SNX24: variants seen among roughly 807,000 people sequenced by gnomAD.
SNX24 encodes the protein sorting nexin 24.
Under a neutral mutation model 28.7 loss-of-function variants are expected in SNX24, and 22 were observed. That is an observed-to-expected ratio of 0.77 (90% CI 0.55 to 1.10). The LOEUF (loss-of-function observed/expected upper bound fraction) is 1.10, where lower values mean the gene tolerates loss of function less well. Ranked by LOEUF, SNX24 falls within the 50% of genes least tolerant of loss-of-function variation. The pLI is 0.00. For synonymous variants in SNX24, 69 were observed against 71.5 expected (o/e 0.96, Z 0.18); for missense variants, 221 against 201.1 (o/e 1.10, Z -0.60).
intron 1 of SNX24, among the ~76,000 whole-genome samples, chr5:122,873,916 C>A (rs1369572570): frequency 2.0e-5 from 3 of 152,052 alleles, no homozygotes; most frequent in Non-Finnish European, 4.4e-5. Context: ...CAGGCACCGG[C>A]CACCACGTCT....
chr5:122,977,520 T>C (rs1324230256), intron 3 of SNX24, among the ~76,000 whole-genome samples: 1 of 152,202 alleles, frequency 6.6e-6, no homozygotes, highest in Non-Finnish European at 1.5e-5. Context: ...TTATCACTTA[T>C]GGCTGTGCTG....
At chr5:122,919,018 G>T (rs1758304079) in intron 1 of SNX24, among the ~76,000 whole-genome samples, 1 of 152,162 alleles carries the variant, frequency 6.6e-6, no homozygotes, top group Non-Finnish European at 1.5e-5. Context: ...AGACTTCAGA[G>T]ATACAAACCA....
chr5:122,912,519 T>A (rs1011209601), intron 1 of SNX24, among the ~76,000 whole-genome samples: 5 of 151,836 alleles, frequency 3.3e-5, no homozygotes, highest in African/African-American at 9.7e-5. Context: ...TGAATAGGAG[T>A]GGTGAGAGAG....
At chr5:123,006,391 C>T (rs540024156) in intron 6 of SNX24, among the ~76,000 whole-genome samples, 20 of 152,324 alleles carry the variant, frequency 1.3e-4, no homozygotes, top group African/African-American at 4.8e-4. Context: ...CTTCATTTCT[C>T]TAGAATTCCT....
At chr5:122,851,450 A>G (rs1754914501) in intron 1 of SNX24, among the ~76,000 whole-genome samples, 1 of 152,152 alleles carries the variant, frequency 6.6e-6, no homozygotes, top group African/African-American at 2.4e-5. Context: ...TACAGGCATG[A>G]GCCACCACAC....
At chr5:123,012,951 A>G (rs1390538589), downstream of SNX24, among the ~76,000 whole-genome samples, 1 of 152,226 alleles carries the variant, frequency 6.6e-6, no homozygotes, top group Non-Finnish European at 1.5e-5. Context: ...CACCTGTATT[A>G]GGGACCACCA....
intron 1 of SNX24, among the ~76,000 whole-genome samples, chr5:122,870,949 G>A (rs1755948852): frequency 6.6e-6 from 1 of 152,180 alleles, no homozygotes; most frequent in African/African-American, 2.4e-5. Context: ...CTGCACACTA[G>A]CATCACCTGG....
rs1277181446 is a variant in SNX24 at position 123,019,868 on chromosome 5, T to C, written n.384-9370T>C. 2.0e-5 allele frequency among the ~76,000 whole-genome samples: 3 copies of C among 152,254 alleles called. No homozygotes were observed. In the East Asian group the frequency reaches 5.8e-4, roughly 29 times the overall value. On this transcript the variant is annotated intron_variant and non_coding_transcript_variant, in intron 5 of 5. Transcript: ENST00000502387. ...CCTATTTTCATAGTCATCAGTTTGCTCATGTTTTCTGTATGAGGCCTGACC... is the reference window on the plus strand; with the variant it reads ...CCTATTTTCATAGTCATCAGTTTGCCCATGTTTTCTGTATGAGGCCTGACC...
At chr5:122,934,659 G>C (rs770897549) in intron 1 of SNX24, among the ~76,000 whole-genome samples, 11 of 152,136 alleles carry the variant, frequency 7.2e-5, no homozygotes, top group Non-Finnish European at 1.6e-4. Flanking sequence ...CGCCTGGCCG[G>C]ATTTATTAAA....
intron 3 of SNX24, among the ~76,000 whole-genome samples, chr5:122,983,291 A>T (rs937286615): frequency 6.6e-6 from 1 of 151,794 alleles, no homozygotes; most frequent in Non-Finnish European, 1.5e-5. Context: ...TATAATTTAA[A>T]TTTTGCATAT....
downstream of SNX24, among the ~76,000 whole-genome samples, chr5:123,012,290 C>T (rs952834365): frequency 6.6e-6 from 1 of 152,192 alleles, no homozygotes; most frequent in South Asian, 2.1e-4. Context: ...TCATAGTAGC[C>T]AAAAGGTGGA....
chr5:122,973,520 G>A (rs1761042260), intron 3 of SNX24, among the ~76,000 whole-genome samples: 1 of 152,180 alleles, frequency 6.6e-6, no homozygotes, highest in Admixed American at 6.5e-5. Context: ...ATTGGTGCAG[G>A]CTGGGGAGGA....
chr5:122,956,058 C>CT (rs903778009), intron 3 of SNX24, among the ~76,000 whole-genome samples: 12 of 149,106 alleles, frequency 8.0e-5, no homozygotes, highest in South Asian at 6.4e-4. Flanking sequence ...TTGGATGCAG[C>CT]TTTTTTTTTT....
rs1156778420 is a variant in SNX24, at chr5:122,978,019, A to AT, written c.250-21885dup. On this transcript the variant is annotated intron_variant, in intron 3 of 6. Coordinates refer to ENST00000261369, the MANE Select transcript of SNX24 (RefSeq NM_014035.4). ...GATAAGAATTTGGTGGAATGTTTCA[A>AT]TTTTTTTTCATATTGAAGATATCCT... Among the ~76,000 whole-genome samples the AT allele has an allele frequency of 2.6e-5, 4 of 152,022 alleles. No individual in the cohort carries two copies. The South Asian group carries it at 8.3e-4, about 32-fold the overall frequency.
intron 1 of SNX24, among the ~76,000 whole-genome samples, chr5:122,905,202 C>G (rs1042983975): frequency 6.6e-6 from 1 of 152,056 alleles, no homozygotes; most frequent in Non-Finnish European, 1.5e-5. Flanking sequence ...ATCCTGATTC[C>G]ATCCTGAGGT....
chr5:122,957,549 C>T (rs1760266491), intron 3 of SNX24, among the ~76,000 whole-genome samples: 1 of 151,962 alleles, frequency 6.6e-6, no homozygotes, highest in Non-Finnish European at 1.5e-5. Flanking sequence ...TATATTTCTG[C>T]AAAAATAAAA....
chr5:122,917,934 G>T (rs931394336), intron 1 of SNX24, among the ~76,000 whole-genome samples: 1 of 152,120 alleles, frequency 6.6e-6, no homozygotes, highest in South Asian at 2.1e-4. Context: ...CAAAAAATTA[G>T]CCGGGCATGG....
At chr5:123,027,046 C>T (rs571989075) in intron 5 of SNX24, among the ~76,000 whole-genome samples, 10 of 152,058 alleles carry the variant, frequency 6.6e-5, no homozygotes, top group African/African-American at 2.2e-4. Context: ...TACAAAAAAT[C>T]AGCCGGGCAT....
At chr5:122,970,687 C>T (rs942850034) in intron 3 of SNX24, among the ~76,000 whole-genome samples, 1 of 152,192 alleles carries the variant, frequency 6.6e-6, no homozygotes, top group South Asian at 2.1e-4. Context: ...CCAGGATGGC[C>T]TCCATCTCCT....
Sources: allele counts gnomAD v4.1 joint callset (sites outside exome capture counted in the v4.1 genomes callset), GRCh38; gene constraint gnomAD v4.1.1; transcripts MANE v1.5; gene names NCBI Gene and HGNC (gene_info 2026-07-23, HGNC 2026-07-21).